Variants in FGF7 observed in about 807,000 individuals in gnomAD.
The protein encoded by FGF7 is FGF-7.
In FGF7, 6 loss-of-function variants were observed where a neutral mutation model predicts 20.5. The ratio of observed to expected loss-of-function variants is 0.29; its 90% CI spans 0.16 to 0.58. The LOEUF (loss-of-function observed/expected upper bound fraction) is 0.58, where lower values mean the gene tolerates loss of function less well. Among genes scored for constraint, FGF7 ranks in the 20% least tolerant of loss-of-function variants. The pLI is 0.90. For synonymous variants in FGF7, 64 were observed against 74.7 expected, an observed-to-expected ratio of 0.86 and a Z score of 0.74; for missense variants, 144 against 228.8, an observed-to-expected ratio of 0.63 and a Z score of 2.39.
intron 2 of FGF7, among the ~76,000 whole-genome samples, chr15:49,478,487 A>C (rs957464025): frequency 1.3e-5 from 2 of 152,164 alleles, no homozygotes; most frequent in Non-Finnish European, 2.9e-5. Context: ...TATAATAGTT[A>C]AGATTTCCCA....
chr15:49,477,029 C>A (rs2055395669), intron 2 of FGF7, among the ~76,000 whole-genome samples: 1 of 150,614 alleles, frequency 6.6e-6, no homozygotes, highest in African/African-American at 2.5e-5. Context: ...CACTGCACTC[C>A]AGCCTGGGCG....
chr15:49,440,778 G>A (rs748996470), intron 2 of FGF7, among the ~76,000 whole-genome samples: 8 of 151,562 alleles, frequency 5.3e-5, no homozygotes, highest in Non-Finnish European at 8.9e-5. Flanking sequence ...CTGAACTCAG[G>A]GCTCTACAGA....
At chr15:49,462,767 A>C (rs1477931475) in intron 2 of FGF7, among the ~76,000 whole-genome samples, 1 of 152,228 alleles carries the variant, frequency 6.6e-6, no homozygotes, top group Non-Finnish European at 1.5e-5. Context: ...GATATATCAG[A>C]TTATGAAAGC....
intron 2 of FGF7, among the ~76,000 whole-genome samples, chr15:49,456,736 G>A (rs2053329953): frequency 6.6e-6 from 1 of 152,042 alleles, no homozygotes. Context: ...GATCAGGGAA[G>A]GAACTTGAGT....
intron 2 of FGF7, among the ~76,000 whole-genome samples, chr15:49,475,133 C>A (rs1326510878): frequency 6.6e-6 from 1 of 151,828 alleles, no homozygotes; most frequent in African/African-American, 2.4e-5. Context: ...ATTTTTTCAC[C>A]CTGCACTCCG....
intron 2 of FGF7, among the ~76,000 whole-genome samples, chr15:49,468,332 AT>A (rs1307132030): frequency 2.6e-5 from 4 of 152,168 alleles, no homozygotes; most frequent in Non-Finnish European, 5.9e-5. Flanking sequence ...ATGTGGAACT[AT>A]TTTGAATTTC....
chr15:49,465,881 A>G (rs551426933), intron 2 of FGF7, among the ~76,000 whole-genome samples: 1 of 152,312 alleles, frequency 6.6e-6, no homozygotes, highest in South Asian at 2.1e-4. Flanking sequence ...ATAATTTGAC[A>G]CACTACTTAA....
intron 2 of FGF7, among the ~76,000 whole-genome samples, chr15:49,443,159 A>C (rs2051832160): frequency 6.6e-6 from 1 of 151,710 alleles, no homozygotes; most frequent in African/African-American, 2.4e-5. Flanking sequence ...AATTTTCAAA[A>C]ATTTTGTTAA....
chr15:49,426,697 T>C (rs2050160221), intron 2 of FGF7, among the ~76,000 whole-genome samples: 1 of 151,804 alleles, frequency 6.6e-6, no homozygotes, highest in African/African-American at 2.4e-5. Flanking sequence ...AACCATCTCC[T>C]CTAACACCAA....
intron 2 of FGF7, among the ~76,000 whole-genome samples, chr15:49,439,338 A>C (rs931421338): frequency 1.3e-5 from 2 of 151,368 alleles, no homozygotes; most frequent in African/African-American, 4.8e-5. Flanking sequence ...GAGAGAGAGA[A>C]TCTTTAAGAT....
chr15:49,437,156 A>T (rs1355802133), intron 2 of FGF7, among the ~76,000 whole-genome samples: 1 of 151,588 alleles, frequency 6.6e-6, no homozygotes, highest in Non-Finnish European at 1.5e-5. Flanking sequence ...ATAATTATCC[A>T]GACACTACAT....
chr15:49,475,155 T>C (rs549402867), intron 2 of FGF7, among the ~76,000 whole-genome samples: 2 of 152,236 alleles, frequency 1.3e-5, no homozygotes, highest in South Asian at 4.1e-4. Flanking sequence ...TAGTGTATGA[T>C]TAGTGAAACA....
intron 2 of FGF7, among the ~76,000 whole-genome samples, chr15:49,463,829 A>T (rs2054018610): frequency 6.6e-6 from 1 of 152,168 alleles, no homozygotes; most frequent in South Asian, 2.1e-4. Flanking sequence ...GTAAGGGGAA[A>T]ATTGTAAGTA....
In FGF7 at chr15:49,486,534, G is replaced by T. The variant is rs2056415115; in HGVS notation, c.*2030G>T. 6.6e-6 allele frequency: 1 copy of T among 151,894 alleles called. No homozygotes were observed. The highest frequency in any genetic ancestry group is 1.5e-5 in the Non-Finnish European group (1 of 67,876). The allele number at this position is 151,894 out of a possible 1,614,324, so 9.4% of individuals were successfully genotyped here. On this transcript the variant is annotated 3_prime_UTR_variant, in exon 4 of 4. Coordinates refer to ENST00000267843, the MANE Select transcript of FGF7 (RefSeq NM_002009.4). ...ATTCACTGAATGTTTATAGACAAAA[G>T]AAAATACACACTAAAACTAATCTTC...
In FGF7 at chr15:49,485,465, G is replaced by A. The variant is rs1057656; in HGVS notation, c.*961G>A. On this transcript the variant is annotated 3_prime_UTR_variant, in exon 4 of 4. Transcript: ENST00000267843. ...TTATTGTTTTGTTATTTAAGTTTAT[G>A]TTATTTATAAAAAAAAAACCTTAAT... The A allele has an allele frequency of 6.9e-6, 1 of 144,584 alleles. No individual in the cohort carries two copies. The highest frequency in any genetic ancestry group is 1.5e-5 in the Non-Finnish European group (1 of 64,726). 9.0% of individuals were successfully genotyped at this position (144,584 alleles called of 1,614,324 possible).
intron 2 of FGF7, among the ~76,000 whole-genome samples, chr15:49,460,927 G>T (rs1434785820): frequency 6.6e-6 from 1 of 152,172 alleles, no homozygotes; most frequent in Non-Finnish European, 1.5e-5. Context: ...AAGGAATACT[G>T]TCCAAGCCAA....
At chr15:49,456,560 C>T (rs1026900716) in intron 2 of FGF7, among the ~76,000 whole-genome samples, 1 of 152,042 alleles carries the variant, frequency 6.6e-6, no homozygotes, top group African/African-American at 2.4e-5. Context: ...TAAGACTATT[C>T]AAGAATTACT....
At chr15:49,423,515 T>C (rs564510516) in intron 1 of FGF7, 75 bp downstream of exon 1, 7 of 152,288 alleles carry the variant, frequency 4.6e-5, no homozygotes, top group African/African-American at 1.7e-4. Flanking sequence ...CTGATTTTAG[T>C]ACTGAGCAGG....
intron 2 of FGF7, among the ~76,000 whole-genome samples, chr15:49,452,693 G>A (rs912196194): frequency 3.3e-5 from 5 of 152,136 alleles, no homozygotes; most frequent in African/African-American, 1.2e-4. Context: ...CTGGGCAAAT[G>A]AGTCAGTCTC....
Sources: allele counts gnomAD v4.1 joint callset (sites outside exome capture counted in the v4.1 genomes callset), GRCh38; gene constraint gnomAD v4.1.1; transcripts MANE v1.5; gene names NCBI Gene and HGNC (gene_info 2026-07-23, HGNC 2026-07-21).